The following EHD4 variants were observed in gnomAD, a reference collection of about 807,000 sequenced individuals.
The protein encoded by EHD4 is EH domain containing 4, also known as EH domain-containing protein 4.
A neutral mutation model predicts 51.0 loss-of-function variants in EHD4; 37 were observed. The observed-to-expected ratio is 0.73, with a 90% CI of 0.56 to 0.95. EHD4 has a LOEUF of 0.95. EHD4 is among the 40% of genes least tolerant of loss of function. The pLI is 0.00. For synonymous variants in EHD4, 297 were observed against 317.3 expected, an observed-to-expected ratio of 0.94 and a Z score of 0.68; for missense variants, 632 against 733.1, an observed-to-expected ratio of 0.86 and a Z score of 1.59.
intron 1 of EHD4, among the ~76,000 whole-genome samples, chr15:41,959,961 C>CA (rs575509600): frequency 0.025 from 1,455 of 57,762 alleles, 25 homozygotes; most frequent in African/African-American, 0.068. Flanking sequence ...GACTCCACCT[C>CA]AAAAAAAAAA....
rs567754335 is a variant in EHD4 at position 41,954,706 on chromosome 15, C to T, written c.237-766G>A. 2.7e-4 allele frequency among the ~76,000 whole-genome samples: 41 copies of T among 152,002 alleles called. 1 individual carries two copies. The South Asian group carries it at 7.9e-3, about 29-fold the overall frequency. ...TGGCTGGAGTGCAGTGGTGCAATCTCGGCTCACTGCTGCCTCGACCTCCTG... is the reference window on the plus strand; with the variant it reads ...TGGCTGGAGTGCAGTGGTGCAATCTTGGCTCACTGCTGCCTCGACCTCCTG... On this transcript the variant is annotated intron_variant, in intron 1 of 5. Coordinates refer to ENST00000220325, the MANE Select transcript of EHD4 (RefSeq NM_139265.4).
chr15:41,915,183 G>T (rs2067575915), intron 4 of EHD4, among the ~76,000 whole-genome samples: 1 of 152,148 alleles, frequency 6.6e-6, no homozygotes, highest in South Asian at 2.1e-4. Context: ...ACATTTAAAA[G>T]GGAGGACTTT....
chr15:41,961,291 A>G (rs2067922900), intron 1 of EHD4, among the ~76,000 whole-genome samples: 1 of 152,188 alleles, frequency 6.6e-6, no homozygotes, highest in South Asian at 2.1e-4. Context: ...CTGTTTTGGG[A>G]GGAGGGTGAA....
Position 41,900,904 on chromosome 15 carries a change from T to C in EHD4, c.1367A>G (p.Tyr456Cys). 6.2e-7 allele frequency: 1 copy of C among 1,614,160 alleles called. No individual in the cohort carries two copies. The highest frequency in any genetic ancestry group is 8.5e-7 in the Non-Finnish European group (1 of 1,180,022). Reference protein sequence around the residue: ...KDKPVYDELFYTLSPINGKIS... With the variant: ...KDKPVYDELFCTLSPINGKIS... ...CTTGCCATTGATGGGCGACAGAGTG[T>C]AGAAGAGCTCGTCGTAGACGGGCTT... The change falls in exon 6 of 6, where the codon TAC becomes TGC. Residue 456 changes from tyrosine to cysteine, a missense_variant. Coordinates refer to ENST00000220325, the MANE Select transcript of EHD4 (RefSeq NM_139265.4). The surrounding 1 kb of genome is among the most constrained non-coding windows in gnomAD (Gnocchi z 4.8).
intron 2 of EHD4, among the ~76,000 whole-genome samples, chr15:41,944,069 G>A (rs2067795455): frequency 6.6e-6 from 1 of 152,176 alleles, no homozygotes; most frequent in East Asian, 1.9e-4. Flanking sequence ...GAAGCAGAGT[G>A]CGGAGGAAAA....
intron 2 of EHD4, among the ~76,000 whole-genome samples, chr15:41,946,353 AG>A (rs1483592999): frequency 6.6e-6 from 1 of 152,182 alleles, no homozygotes; most frequent in African/African-American, 2.4e-5. Context: ...AGGAAGGGCC[AG>A]GGGTAGCAGA....
At chr15:41,946,245 G>C (rs900896203) in intron 2 of EHD4, among the ~76,000 whole-genome samples, 4 of 152,188 alleles carry the variant, frequency 2.6e-5, no homozygotes, top group Non-Finnish European at 5.9e-5. Flanking sequence ...CTCACCCGAG[G>C]ATGACCTGAT....
Position 41,900,601 on chromosome 15 carries a change from A to C in EHD4, c.*44T>G. 1 of 1,511,322 alleles carries C rather than the reference A, an allele frequency of 6.6e-7. No individual in the cohort carries two copies. Among genetic ancestry groups the C allele is most frequent in the Non-Finnish European group, 8.8e-7 (1 of 1,131,058 alleles). 93.6% of individuals were successfully genotyped at this position (1,511,322 alleles called of 1,614,324 possible). On this transcript the variant is annotated 3_prime_UTR_variant, in exon 6 of 6. Coordinates refer to ENST00000220325, the MANE Select transcript of EHD4 (RefSeq NM_139265.4). The surrounding 1 kb of genome is among the most constrained non-coding windows in gnomAD (Gnocchi z 4.8). ...GTGAGTCAGTGGTGGAGCAGGCCTG[A>C]GGCCCAGGTCCCCCAGTTCCCACCC...
rs564644307 is a variant in EHD4 at position 41,896,974 on chromosome 15, G to A, written c.*3671C>T. 6.6e-6 allele frequency: 1 copy of A among 152,294 alleles called. No homozygotes were observed. The highest frequency in any genetic ancestry group is 1.9e-4 in the East Asian group (1 of 5,190). The allele number at this position is 152,294 out of a possible 1,614,324, so 9.4% of individuals were successfully genotyped here. On this transcript the variant is annotated 3_prime_UTR_variant, in exon 6 of 6. Coordinates refer to ENST00000220325, the MANE Select transcript of EHD4 (RefSeq NM_139265.4). ...GATCCAGGGATCCACACTCTGCTCC[G>A]AGAGGCCAGCACGCAGCCACTGGAA...
intron 4 of EHD4, among the ~76,000 whole-genome samples, chr15:41,912,413 G>A (rs1243587263): frequency 6.6e-6 from 1 of 152,166 alleles, no homozygotes; most frequent in Non-Finnish European, 1.5e-5. Context: ...TCATCAAGTT[G>A]GCCAGGCACG....
chr15:41,925,326 T>G (rs949086074), intron 3 of EHD4, among the ~76,000 whole-genome samples: 1 of 152,158 alleles, frequency 6.6e-6, no homozygotes, highest in African/African-American at 2.4e-5. Context: ...TAAGAACCAC[T>G]CGAAGCGGCT....
intron 2 of EHD4, among the ~76,000 whole-genome samples, chr15:41,944,868 G>C (rs1023626688): frequency 2.0e-5 from 3 of 152,162 alleles, no homozygotes; most frequent in African/African-American, 7.2e-5. Context: ...ATTTCCACCT[G>C]TCTGCAGACA....
At chr15:41,968,643 A>G (rs1356653973) in intron 1 of EHD4, among the ~76,000 whole-genome samples, 2 of 151,870 alleles carry the variant, frequency 1.3e-5, no homozygotes, top group East Asian at 3.9e-4. Context: ...GCTTATTTCT[A>G]CTTTGTTTTC....
chr15:41,967,093 C>T (rs995081656), intron 1 of EHD4, among the ~76,000 whole-genome samples: 1 of 152,162 alleles, frequency 6.6e-6, no homozygotes, highest in African/African-American at 2.4e-5. Context: ...ATCATTATGC[C>T]CCATCCTTCC....
chr15:41,922,261 T>C (rs1157487833), intron 3 of EHD4, among the ~76,000 whole-genome samples: 2 of 152,040 alleles, frequency 1.3e-5, no homozygotes, highest in African/African-American at 4.8e-5. Context: ...TGGTGGCGTA[T>C]GCATGTGGGC....
At chr15:41,958,037 G>A (rs1224532809) in intron 1 of EHD4, among the ~76,000 whole-genome samples, 1 of 152,090 alleles carries the variant, frequency 6.6e-6, no homozygotes, top group Non-Finnish European at 1.5e-5. Context: ...ATTTCTCACG[G>A]TGGGAGTGCC....
Position 41,899,192 on chromosome 15 carries a change from T to C in EHD4, c.*1453A>G, listed in dbSNP as rs1254030820. ...TTCGTGTCTCTTCCTGCATAAATAA[T>C]GCAGAGAGGCCATGCAGGTATGCAA... On this transcript the variant is annotated 3_prime_UTR_variant, in exon 6 of 6. Coordinates refer to ENST00000220325, the MANE Select transcript of EHD4 (RefSeq NM_139265.4). The C allele has an allele frequency of 6.6e-6, 1 of 152,186 alleles. No individual in the cohort carries two copies. The highest frequency in any genetic ancestry group is 1.5e-5 in the Non-Finnish European group (1 of 68,052). The allele number at this position is 152,186 out of a possible 1,614,324, so 9.4% of individuals were successfully genotyped here.
chr15:41,906,569 G>T (rs554976811), intron 5 of EHD4, among the ~76,000 whole-genome samples: 1 of 152,348 alleles, frequency 6.6e-6, no homozygotes, highest in East Asian at 1.9e-4. Context: ...CCTCACCATT[G>T]CAGGGTAGCC....
At chr15:41,914,683 A>G (rs2140986545) in intron 4 of EHD4, among the ~76,000 whole-genome samples, 1 of 152,266 alleles carries the variant, frequency 6.6e-6, no homozygotes, top group East Asian at 1.9e-4. Flanking sequence ...GCCGAGGACT[A>G]GGCAATACCA....
Sources: gnomAD v4.1 joint callset for allele counts (sites outside exome capture counted in the v4.1 genomes callset) on GRCh38, gnomAD v4.1.1 for gene constraint, Gnocchi (gnomAD v3.1) non-coding constraint, MANE v1.5 for transcripts, NCBI Gene and HGNC (gene_info 2026-07-23, HGNC 2026-07-21) for gene names.